The following DDX23 variants were observed in gnomAD, a reference collection of about 807,000 sequenced individuals.
DDX23 encodes probable ATP-dependent RNA helicase DDX23.
Under a neutral mutation model 102.7 loss-of-function variants are expected in DDX23, and 33 were observed. The observed-to-expected ratio is 0.32, with a 90% CI of 0.24 to 0.43. The LOEUF (loss-of-function observed/expected upper bound fraction) is 0.43, where lower values mean the gene tolerates loss of function less well. DDX23 is among the 20% of genes least tolerant of loss of function. DDX23 has a pLI of 1.00. For missense variants in DDX23, 549 were observed against 1,086.6 expected, an observed-to-expected ratio of 0.51 and a Z score of 6.96; for synonymous variants, 352 against 376.0, an observed-to-expected ratio of 0.94 and a Z score of 0.74.
intron 1 of DDX23, among the ~76,000 whole-genome samples, chr12:48,849,847 G>A (rs771997553): frequency 4.6e-5 from 7 of 152,148 alleles, no homozygotes; most frequent in Non-Finnish European, 8.8e-5. Context: ...CTACCTATGG[G>A]GCCCATGCCC....
chr12:48,831,876 T>C (rs1938392867), intron 15 of DDX23: 1 of 592,620 alleles, frequency 1.7e-6, no homozygotes, highest in Non-Finnish European at 3.0e-6. Context: ...TTGGCTGGCA[T>C]TACTGCAGCA....
chr12:48,831,741 A>T, intron 15 of DDX23: 3 of 396,882 alleles, frequency 7.6e-6, no homozygotes, highest in Non-Finnish European at 1.4e-5. Flanking sequence ...TTCTGACCAT[A>T]TCACCTCCTC....
rs191578488 is a variant in DDX23, at chr12:48,849,402, G to A, written c.-1+2682C>T. Among the ~76,000 whole-genome samples the A allele has an allele frequency of 3.1e-3, 467 of 152,190 alleles. 4 individuals are homozygous for A. Among genetic ancestry groups the A allele is most frequent in the African/African-American group, 0.011 (438 of 41,556 alleles). On this transcript the variant is annotated intron_variant, in intron 1 of 16. Coordinates refer to ENST00000308025, the MANE Select transcript of DDX23 (RefSeq NM_004818.3). Reference sequence around the variant, plus strand: ...CCGGAGGCCAGGAGCAGTGGCTCACGCCTGTAATCCCAGCACTTTGGGAGG... The same window carrying A: ...CCGGAGGCCAGGAGCAGTGGCTCACACCTGTAATCCCAGCACTTTGGGAGG...
Position 48,830,343 on chromosome 12 carries a change from G to A in DDX23, c.*126C>T, listed in dbSNP as rs1938365261. The stretch of plus-strand genomic sequence containing the variant: ...CTGACCTGAGGGTCTGGGCTAGGGA[G>A]TTGGATTGTTTTCCTAAGCCCCCAT... On this transcript the variant is annotated 3_prime_UTR_variant, in exon 17 of 17. Transcript: ENST00000308025. This position sits in a 1 kb window ranked among gnomAD's most constrained non-coding sequence, Gnocchi z 4.9. The A allele has an allele frequency of 1.5e-5, 17 of 1,158,884 alleles. No homozygotes were observed. The highest frequency in any genetic ancestry group is 2.0e-5 in the Non-Finnish European group (16 of 789,346). 71.8% of individuals were successfully genotyped at this position (1,158,884 alleles called of 1,614,324 possible).
At chr12:48,843,821 T>A in intron 3 of DDX23, 119 bp downstream of exon 3, 1 of 1,050,440 alleles carries the variant, frequency 9.5e-7, no homozygotes. Flanking sequence ...GTGCTGGGAT[T>A]ACAGGCGTGA....
At position 48,843,937 on chromosome 12, in the gene DDX23, T is replaced by C. The variant is rs751794009; in HGVS notation, c.320+3A>G. On this transcript the variant is annotated splice_donor_region_variant and intron_variant, in intron 3 of 16. Transcript: ENST00000308025. Reference sequence around the variant, plus strand: ...TAAAGCCCCCTCTCATTCCTTCATGTACCTGGATCGTTTACGGTCCTTGTC... The same window carrying C: ...TAAAGCCCCCTCTCATTCCTTCATGCACCTGGATCGTTTACGGTCCTTGTC... 1.2e-6 allele frequency: 2 copies of C among 1,614,034 alleles called. No individual in the cohort carries two copies. The highest frequency in any genetic ancestry group is 1.7e-6 in the Non-Finnish European group (2 of 1,179,908).
At position 48,851,910 on chromosome 12, in the gene DDX23, A is replaced by T. The variant is rs115960680; in HGVS notation, c.-1+174T>A. 2.7e-3 allele frequency among the ~76,000 whole-genome samples: 406 copies of T among 152,352 alleles called. 1 individual carries two copies. The highest frequency in any genetic ancestry group is 9.6e-3 in the African/African-American group (398 of 41,578). ...GTGGCCTGTGCCCGGAGGAGCCAAC[A>T]CTACCCCTGGGGCCCGCGCCCCTTC... On this transcript the variant is annotated intron_variant, in intron 1 of 16. Transcript: ENST00000308025.
chr12:48,843,898 TG>T, intron 3 of DDX23, 41 bp downstream of exon 3: 1 of 1,594,158 alleles, frequency 6.3e-7, no homozygotes, highest in Non-Finnish European at 8.6e-7. Flanking sequence ...AGAGAAGAAA[TG>T]GGAGCATTCC....
chr12:48,838,426 T>C (rs887137853), intron 5 of DDX23, among the ~76,000 whole-genome samples: 1 of 152,172 alleles, frequency 6.6e-6, no homozygotes, highest in East Asian at 1.9e-4. Context: ...GGCATGTGCA[T>C]ATAGTCCCAG....
intron 1 of DDX23, among the ~76,000 whole-genome samples, chr12:48,849,314 T>C (rs551035447): frequency 6.6e-6 from 1 of 151,994 alleles, no homozygotes; most frequent in African/African-American, 2.4e-5. Flanking sequence ...CAGGGTAATA[T>C]AGCAAGACTT....
Position 48,831,279 on chromosome 12 carries a change from T to G in DDX23, c.2102A>C (p.Glu701Ala), listed in dbSNP as rs200948688. Residue 701 changes from glutamate to alanine, a missense_variant, in exon 16 of 17, where the codon GAG becomes GCG. This residue lies in a region of DDX23 where 270 missense variants were observed against 707.0 expected (regional missense o/e 0.38). Coordinates refer to ENST00000308025, the MANE Select transcript of DDX23 (RefSeq NM_004818.3). ...ACTLHGGKGQ[E>A]QREFALSNLK... is the part of the protein sequence containing the mutation. ...GTTGGACAACGCAAACTCTCGCTGC[T>G]CCTGGCCTTTTCCACCGTGCAGTGT... 6.2e-7 allele frequency: 1 copy of G among 1,614,238 alleles called. No homozygotes were observed. The highest frequency in any genetic ancestry group is 8.5e-7 in the Non-Finnish European group (1 of 1,180,048).
Position 48,829,775 on chromosome 12 carries a change from GTATT to G in DDX23, c.*690_*693del, listed in dbSNP as rs1056090848. The stretch of plus-strand genomic sequence containing the variant: ...TAGATCTAACAGTCTTAATATTCAT[GTATT>G]TATTCTCAGAACATACAAACTTATC... On this transcript the variant is annotated 3_prime_UTR_variant, in exon 17 of 17. Coordinates refer to ENST00000308025, the MANE Select transcript of DDX23 (RefSeq NM_004818.3). 9.8e-6 allele frequency: 2 copies of G among 204,268 alleles called. No homozygotes were observed. Among genetic ancestry groups the G allele is most frequent in the African/African-American group, 4.6e-5 (2 of 43,118 alleles). 12.7% of individuals were successfully genotyped at this position (204,268 alleles called of 1,614,324 possible). A position where few individuals can be genotyped will look rare whatever the true frequency, so the allele number is the denominator to read the frequency against.
At chr12:48,842,599 G>A (rs866221025) in intron 3 of DDX23, among the ~76,000 whole-genome samples, 1,043 of 146,372 alleles carry the variant, frequency 7.1e-3, no homozygotes, top group African/African-American at 0.025. Flanking sequence ...GGTGAGGGGC[G>A]CCTCTGCCCG....
chr12:48,833,152 T>C (rs978805154), intron 13 of DDX23, 125 bp downstream of exon 13: 9 of 1,445,914 alleles, frequency 6.2e-6, no homozygotes, highest in Non-Finnish European at 8.4e-6. Flanking sequence ...GCCCAGCTAA[T>C]TTTTTAAATT....
rs751673526 is a variant in DDX23 at position 48,836,877 on chromosome 12, T to C, written c.1010+17A>G. 2 of 1,613,952 alleles carry C rather than the reference T, an allele frequency of 1.2e-6. No homozygotes were observed. The highest frequency in any genetic ancestry group is 1.7e-6 in the Non-Finnish European group (2 of 1,180,006). On this transcript the variant is annotated intron_variant, in intron 9 of 16. Coordinates refer to ENST00000308025, the MANE Select transcript of DDX23 (RefSeq NM_004818.3). This position sits in a 1 kb window ranked among gnomAD's most constrained non-coding sequence, Gnocchi z 6.1. The stretch of plus-strand genomic sequence containing the variant: ...GCCTCTGGGCTCTGTCCAGCCACCC[T>C]AGCCTTGATCACTCACTCCTCCTGC...
chr12:48,844,962 G>A (rs915178290), intron 2 of DDX23, among the ~76,000 whole-genome samples: 3 of 150,912 alleles, frequency 2.0e-5, no homozygotes, highest in African/African-American at 7.3e-5. Context: ...AGATCAGCCT[G>A]ACCAACGTGG....
chr12:48,841,902 G>A (rs1422987795), intron 3 of DDX23, among the ~76,000 whole-genome samples: 1 of 152,046 alleles, frequency 6.6e-6, no homozygotes, highest in Non-Finnish European at 1.5e-5. Context: ...GAAGTGAGGA[G>A]CGTCTCTGCC....
At chr12:48,843,036 C>T (rs1592203653) in intron 3 of DDX23, among the ~76,000 whole-genome samples, 1 of 150,576 alleles carries the variant, frequency 6.6e-6, no homozygotes, top group African/African-American at 2.4e-5. Flanking sequence ...GCTGTGTCCA[C>T]TCAGGGTTGA....
At chr12:48,839,317 G>A (rs1390028374) in intron 5 of DDX23, among the ~76,000 whole-genome samples, 2 of 152,054 alleles carry the variant, frequency 1.3e-5, no homozygotes, top group Non-Finnish European at 2.9e-5. Context: ...CCAGCACTTT[G>A]TGAGGCCAAG....
Sources: allele counts gnomAD v4.1 joint callset (sites outside exome capture counted in the v4.1 genomes callset), GRCh38; gene constraint gnomAD v4.1.1; regional missense constraint gnomAD v4.1.1; non-coding constraint Gnocchi (gnomAD v3.1); transcripts MANE v1.5; gene names NCBI Gene and HGNC (gene_info 2026-07-23, HGNC 2026-07-21).